The following CNNM1 variants were observed in gnomAD, a reference collection of about 807,000 sequenced individuals.
CNNM1 encodes the protein metal transporter CNNM1.
Under a neutral mutation model 78.8 loss-of-function variants are expected in CNNM1, and 44 were observed. That is an observed-to-expected ratio of 0.56 (90% CI 0.44 to 0.72). The LOEUF (loss-of-function observed/expected upper bound fraction) is 0.72. CNNM1 is among the 30% of genes least tolerant of loss of function. The probability of loss-of-function intolerance (pLI) is 0.00; values close to 1 mark genes in which losing one functional copy is unlikely to be tolerated. For missense variants in CNNM1, 1,101 were observed against 1,292.2 expected (o/e 0.85, Z 2.27); for synonymous variants, 584 against 581.5 (o/e 1.00, Z -0.06).
At chr10:99,364,390 A>T in intron 4 of CNNM1, 27 bp from the exon 5 acceptor site, 1 of 1,542,220 alleles carries the variant, frequency 6.5e-7, no homozygotes, top group Non-Finnish European at 8.9e-7. Context: ...ACACATTCAT[A>T]GTACACTTCC....
chr10:99,380,937 C>T (rs2032128059), intron 7 of CNNM1, among the ~76,000 whole-genome samples: 1 of 152,064 alleles, frequency 6.6e-6, no homozygotes. Context: ...GTTGAAAACC[C>T]CAAGTCCCAG....
At chr10:99,356,970 C>A (rs1463737627) in intron 1 of CNNM1, among the ~76,000 whole-genome samples, 1 of 152,198 alleles carries the variant, frequency 6.6e-6, no homozygotes, top group East Asian at 1.9e-4. Context: ...CAAGCCCCCC[C>A]AGATTCAAGG....
chr10:99,362,115 A>G (rs919831143), intron 3 of CNNM1, 112 bp from the exon 4 acceptor site: 3 of 967,836 alleles, frequency 3.1e-6, no homozygotes, highest in African/African-American at 3.4e-5. Context: ...ATGCCCAGGT[A>G]CAGGCACAGG....
chr10:99,331,712 C>T (rs556867527), intron 1 of CNNM1, among the ~76,000 whole-genome samples: 1 of 152,142 alleles, frequency 6.6e-6, no homozygotes, highest in African/African-American at 2.4e-5. Context: ...AGAGCAAGAC[C>T]CTGTCTTTGC....
chr10:99,392,817 C>A lies in CNNM1; in HGVS notation c.*1301C>A, dbSNP rs2032510670. On this transcript the variant is annotated 3_prime_UTR_variant, in exon 11 of 11. Coordinates refer to ENST00000356713, the MANE Select transcript of CNNM1 (RefSeq NM_020348.3). ...ACCAGCCTGGCCAACATGGTGAAAC[C>A]CCATCTCTCCTGGGCATGTAGTCCC... The A allele has an allele frequency of 6.6e-6, 1 of 151,850 alleles. No individual in the cohort carries two copies. Among genetic ancestry groups the A allele is most frequent in the Non-Finnish European group, 1.5e-5 (1 of 68,168 alleles). The allele number at this position is 151,850 out of a possible 1,614,324, so 9.4% of individuals were successfully genotyped here.
chr10:99,332,274 G>A (rs973092249), intron 1 of CNNM1, among the ~76,000 whole-genome samples: 5 of 152,130 alleles, frequency 3.3e-5, no homozygotes, highest in Admixed American at 2.0e-4. Context: ...TTTGAAGGAG[G>A]CATTCATCTG....
chr10:99,391,257 T>C (rs2032463732), intron 10 of CNNM1, among the ~76,000 whole-genome samples, 180 bp from the exon 11 acceptor site: 1 of 152,234 alleles, frequency 6.6e-6, no homozygotes, highest in Admixed American at 6.5e-5. Flanking sequence ...TACGTCCTAA[T>C]CTTTCAAGAT....
chr10:99,347,321 C>G (rs1303560594), intron 1 of CNNM1, among the ~76,000 whole-genome samples: 4 of 151,794 alleles, frequency 2.6e-5, no homozygotes, highest in Admixed American at 2.0e-4. Flanking sequence ...GAGTTCAAAA[C>G]TAACCTGGCC....
chr10:99,343,593 C>T (rs146277943), intron 1 of CNNM1, among the ~76,000 whole-genome samples: 3 of 152,288 alleles, frequency 2.0e-5, no homozygotes, highest in Admixed American at 1.3e-4. Context: ...GACCATGGAG[C>T]CAAGGACACA....
rs547009933 is a variant in CNNM1 at position 99,336,617 on chromosome 10, T to C, written c.1573+5657T>C. On this transcript the variant is annotated intron_variant, in intron 1 of 10. Transcript: ENST00000356713. ...ATCATCAACATAGTCCTTGTCTCTA[T>C]AGAGCTTCACTCTAATACAGGAAAC... is the stretch of plus-strand genomic sequence containing the variant. 2.6e-5 allele frequency among the ~76,000 whole-genome samples: 4 copies of C among 152,326 alleles called. No homozygotes were observed. In the South Asian group the frequency reaches 8.3e-4, roughly 32 times the overall value.
chr10:99,356,711 G>C (rs1301799509), intron 1 of CNNM1, among the ~76,000 whole-genome samples: 1 of 152,118 alleles, frequency 6.6e-6, no homozygotes, highest in Non-Finnish European at 1.5e-5. Context: ...GCTGAGACTG[G>C]CAGATCCACT....
chr10:99,358,359 G>A (rs117894150), intron 2 of CNNM1, among the ~76,000 whole-genome samples: 1,775 of 152,304 alleles, frequency 0.012, 17 homozygotes, highest in Non-Finnish European at 0.017. Context: ...ACATTACAAA[G>A]GCATGCTTTG....
At chr10:99,365,778 A>G (rs934957140) in intron 6 of CNNM1, among the ~76,000 whole-genome samples, 2 of 152,242 alleles carry the variant, frequency 1.3e-5, no homozygotes, top group African/African-American at 4.8e-5. Context: ...TTCAATGCCA[A>G]ATAGGGTCTT....
In CNNM1 at chr10:99,375,159, G is replaced by T. The variant is rs542757702; in HGVS notation, c.2177-1896G>T. Among the ~76,000 whole-genome samples, 10 of 150,788 alleles carry T rather than the reference G, an allele frequency of 6.6e-5. No homozygotes were observed. The South Asian group carries it at 2.1e-3, about 32-fold the overall frequency. ...AGCAAAGCAAGAGAGGGGAAAGGAG[G>T]TCCCAAGATCAGATCAGATAGGAAA... On this transcript the variant is annotated intron_variant, in intron 6 of 10. Transcript: ENST00000356713.
intron 2 of CNNM1, 42 bp downstream of exon 2, chr10:99,357,697 T>C: frequency 1.3e-6 from 2 of 1,522,794 alleles, no homozygotes; most frequent in Non-Finnish European, 1.8e-6. Flanking sequence ...TCATCTTATT[T>C]TCCTCCAAGA....
At chr10:99,384,322 T>C (rs1034056524) in intron 7 of CNNM1, among the ~76,000 whole-genome samples, 3 of 152,164 alleles carry the variant, frequency 2.0e-5, no homozygotes, top group African/African-American at 7.2e-5. Flanking sequence ...CACATTGACA[T>C]GGCAGGAGTT....
In CNNM1 at chr10:99,371,085, A is replaced by C. The variant is rs1223138825; in HGVS notation, c.2177-5970A>C. Among the ~76,000 whole-genome samples the C allele has an allele frequency of 2.6e-5, 4 of 152,330 alleles. 1 individual carries two copies. In the South Asian group the frequency reaches 8.3e-4, roughly 32 times the overall value. ...GCCTGGGACCTTGCTGTACCTCTGAATATAGACATTTTATGCCCCCTAGAG... is the reference window on the plus strand; with the variant it reads ...GCCTGGGACCTTGCTGTACCTCTGACTATAGACATTTTATGCCCCCTAGAG... On this transcript the variant is annotated intron_variant, in intron 6 of 10. Coordinates refer to ENST00000356713, the MANE Select transcript of CNNM1 (RefSeq NM_020348.3).
In CNNM1 at chr10:99,329,867, C is replaced by G; in HGVS notation, c.480C>G (p.Val160=). ...GGGGCGTGGCAGGCTCGGCCCTGGTCCAGGTGCGAGTGCGGGAGCTGCGCA... is the reference window on the plus strand; with the variant it reads ...GGGGCGTGGCAGGCTCGGCCCTGGTGCAGGTGCGAGTGCGGGAGCTGCGCA... ...RPGGVAGSAL[V]QVRVRELRKG... The change falls in exon 1 of 11, where the codon GTC becomes GTG. Residue 160 remains valine, a synonymous_variant. Coordinates refer to ENST00000356713, the MANE Select transcript of CNNM1 (RefSeq NM_020348.3). 2 of 1,401,276 alleles carry G rather than the reference C, an allele frequency of 1.4e-6. No individual in the cohort carries two copies. The highest frequency in any genetic ancestry group is 2.4e-4 in the Middle Eastern group (1 of 4,246). The allele number at this position is 1,401,276 out of a possible 1,614,324, so 86.8% of individuals were successfully genotyped here. A position where few individuals can be genotyped will look rare whatever the true frequency, so the allele number is the denominator to read the frequency against.
intron 9 of CNNM1, among the ~76,000 whole-genome samples, chr10:99,388,920 G>C (rs981590776): frequency 6.6e-6 from 1 of 152,090 alleles, no homozygotes; most frequent in African/African-American, 2.4e-5. Context: ...CTTGACAGTG[G>C]TGTTGCTCTG....
Sources: allele counts gnomAD v4.1 joint callset (sites outside exome capture counted in the v4.1 genomes callset), GRCh38; gene constraint gnomAD v4.1.1; transcripts MANE v1.5; gene names NCBI Gene and HGNC (gene_info 2026-07-23, HGNC 2026-07-21).